PRPF18: variants seen among roughly 807,000 people sequenced by gnomAD.
PRPF18 encodes the protein pre-mRNA-splicing factor 18.
A neutral mutation model predicts 46.5 loss-of-function variants in PRPF18; 38 were observed. The observed-to-expected ratio is 0.82, with a 90% CI of 0.63 to 1.07. PRPF18 has a LOEUF of 1.07. Among genes scored for constraint, PRPF18 ranks in the 50% least tolerant of loss-of-function variants. The pLI is 0.00. For missense variants in PRPF18, 263 were observed against 410.0 expected (o/e 0.64, Z 3.10); for synonymous variants, 152 against 146.7 (o/e 1.04, Z -0.26).
chr10:13,620,697 A>T (rs1464987310), intron 9 of PRPF18, among the ~76,000 whole-genome samples: 2 of 152,174 alleles, frequency 1.3e-5, no homozygotes, highest in Admixed American at 6.5e-5. Flanking sequence ...TGAGATAATT[A>T]TTTTTTTATT....
At chr10:13,588,647 C>T (rs2079912848) in intron 1 of PRPF18, among the ~76,000 whole-genome samples, 1 of 151,958 alleles carries the variant, frequency 6.6e-6, no homozygotes, top group South Asian at 2.1e-4. Flanking sequence ...TTCTATTCCT[C>T]CTCCTTCTCT....
intron 3 of PRPF18, 52 bp from the exon 4 acceptor site, chr10:13,605,579 C>A (rs1174647542): frequency 6.0e-4 from 669 of 1,115,524 alleles, no homozygotes; most frequent in African/African-American, 3.2e-3. Flanking sequence ...GAGACTGTCT[C>A]AAAAAAAAAA....
chr10:13,607,202 C>T (rs1589126664), intron 4 of PRPF18, among the ~76,000 whole-genome samples: 1 of 152,174 alleles, frequency 6.6e-6, no homozygotes, highest in South Asian at 2.1e-4. Context: ...AGCAGTCCTC[C>T]CACCTCAGCC....
At chr10:13,601,988 G>A (rs1483253099) in intron 3 of PRPF18, among the ~76,000 whole-genome samples, 1 of 152,128 alleles carries the variant, frequency 6.6e-6, no homozygotes, top group Non-Finnish European at 1.5e-5. Flanking sequence ...TTTATCAATA[G>A]GATAATTTCC....
At chr10:13,605,847 G>A in intron 4 of PRPF18, 103 bp downstream of exon 4, 1 of 1,389,862 alleles carries the variant, frequency 7.2e-7, no homozygotes, top group Non-Finnish European at 9.4e-7. Flanking sequence ...AAAGTAAAGT[G>A]AGCAGATTAT....
chr10:13,652,302 G>A, the PRPF18 span: 5 of 369,164 alleles, frequency 1.4e-5, no homozygotes, highest in Non-Finnish European at 2.5e-5. Flanking sequence ...TGGTGAAATA[G>A]GCAGGTTTCA....
intron 1 of PRPF18, among the ~76,000 whole-genome samples, chr10:13,593,427 A>G (rs1432308724): frequency 6.6e-6 from 1 of 152,168 alleles, no homozygotes; most frequent in African/African-American, 2.4e-5. Context: ...TTATGACCCC[A>G]AGGAGGTTTT....
intron 1 of PRPF18, among the ~76,000 whole-genome samples, chr10:13,594,523 G>A (rs898354555): frequency 6.6e-6 from 1 of 152,080 alleles, no homozygotes; most frequent in African/African-American, 2.4e-5. Context: ...GTTCTATTTT[G>A]CTCTTTGAAT....
downstream of PRPF18, among the ~76,000 whole-genome samples, chr10:13,634,225 G>A (rs545399534): frequency 6.6e-6 from 1 of 152,256 alleles, no homozygotes; most frequent in African/African-American, 2.4e-5. Context: ...TATACAACTT[G>A]CTTAAATGAA....
chr10:13,620,663 A>G (rs1435195816), intron 9 of PRPF18, among the ~76,000 whole-genome samples: 1 of 152,250 alleles, frequency 6.6e-6, no homozygotes, highest in Admixed American at 6.5e-5. Context: ...CTTGAGCATC[A>G]TGTAAATGGA....
the PRPF18 span, chr10:13,642,778 G>A: frequency 1.3e-5 from 2 of 152,192 alleles, no homozygotes; most frequent in Non-Finnish European, 2.9e-5. Flanking sequence ...GCTTCCCCAA[G>A]GAGAGGAGGC....
At chr10:13,642,107 T>G in the PRPF18 span, 1 of 152,244 alleles carries the variant, frequency 6.6e-6, no homozygotes, top group East Asian at 1.9e-4. Context: ...AGGTTATACC[T>G]CTGCAGCTCT....
intron 9 of PRPF18, among the ~76,000 whole-genome samples, chr10:13,620,677 T>G (rs1197226312): frequency 6.6e-6 from 1 of 152,252 alleles, no homozygotes. Flanking sequence ...AAATGGAAAC[T>G]TGTAATGTCT....
intron 1 of PRPF18, among the ~76,000 whole-genome samples, chr10:13,592,544 C>T (rs1269689861): frequency 2.6e-5 from 4 of 152,178 alleles, no homozygotes; most frequent in Non-Finnish European, 1.5e-5. Flanking sequence ...CAGTACTTAG[C>T]TTGTGAGTGC....
At chr10:13,637,067 C>T in the PRPF18 span, 1 of 146,578 alleles carries the variant, frequency 6.8e-6, no homozygotes, top group African/African-American at 2.4e-5. Context: ...TGCTGTGTCT[C>T]ACAATTTATT....
chr10:13,607,700 T>C (rs1333774964), intron 4 of PRPF18, among the ~76,000 whole-genome samples: 1 of 152,212 alleles, frequency 6.6e-6, no homozygotes, highest in Admixed American at 6.5e-5. Flanking sequence ...TTTTATATTT[T>C]AATGAAGTCC....
Position 13,587,024 on chromosome 10 carries a change from G to A in PRPF18, c.-63G>A. ...ATACTCAGTGGGTTCGCGGCCGCCG[G>A]CCCAGTGAGGCTGGGTTCGAGGAGC... On this transcript the variant is annotated 5_prime_UTR_variant, in exon 1 of 10. Coordinates refer to ENST00000378572, the MANE Select transcript of PRPF18 (RefSeq NM_003675.4). 1.3e-6 allele frequency: 2 copies of A among 1,547,362 alleles called. No individual in the cohort carries two copies. The highest frequency in any genetic ancestry group is 1.8e-6 in the Non-Finnish European group (2 of 1,119,298).
chr10:13,633,792 G>A (rs141497114), downstream of PRPF18, among the ~76,000 whole-genome samples: 4 of 152,172 alleles, frequency 2.6e-5, no homozygotes, highest in Non-Finnish European at 5.9e-5. Flanking sequence ...GCAATCTATG[G>A]TATGGTGTCA....
At chr10:13,622,195 G>A (rs979930581) in intron 9 of PRPF18, among the ~76,000 whole-genome samples, 3 of 145,810 alleles carry the variant, frequency 2.1e-5, no homozygotes, top group African/African-American at 7.6e-5. Flanking sequence ...CATGATGACA[G>A]CTGTCTACCC....
Sources: gnomAD v4.1 joint callset for allele counts (sites outside exome capture counted in the v4.1 genomes callset) on GRCh38, gnomAD v4.1.1 for gene constraint, MANE v1.5 for transcripts, NCBI Gene and HGNC (gene_info 2026-07-23, HGNC 2026-07-21) for gene names.